The following AGAP1 variants were observed in gnomAD, a reference collection of about 807,000 sequenced individuals.
AGAP1 encodes ArfGAP with GTPase domain, ankyrin repeat and PH domain 1, also known as arf-GAP with GTPase, ANK repeat and PH domain-containing protein 1.
Under a neutral mutation model 105.3 loss-of-function variants are expected in AGAP1, and 29 were observed. The observed-to-expected ratio is 0.28, with a 90% CI of 0.21 to 0.38. The LOEUF (loss-of-function observed/expected upper bound fraction) is 0.38, where lower values mean the gene tolerates loss of function less well. Among genes scored for constraint, AGAP1 ranks in the 10% least tolerant of loss-of-function variants. The pLI, the probability that AGAP1 is intolerant of heterozygous loss-of-function variation, is 1.00. For missense variants in AGAP1, 998 were observed against 1,165.1 expected (o/e 0.86, Z 2.09); for synonymous variants, 509 against 485.9 (o/e 1.05, Z -0.63).
At chr2:235,562,735 C>T (rs1263640075) in intron 1 of AGAP1, among the ~76,000 whole-genome samples, 3 of 152,174 alleles carry the variant, frequency 2.0e-5, no homozygotes, top group Non-Finnish European at 4.4e-5. Context: ...CTGGGCAAGT[C>T]ACCATGGCTC....
At chr2:236,008,858 T>C (rs1486212224) in intron 13 of AGAP1, among the ~76,000 whole-genome samples, 1 of 152,256 alleles carries the variant, frequency 6.6e-6, no homozygotes, top group African/African-American at 2.4e-5. Context: ...TAATTGGAGA[T>C]TGATGACTTT....
rs896153927 is a variant in AGAP1, at chr2:235,877,907, G to C, written c.1051-5438G>C. On this transcript the variant is annotated intron_variant, in intron 9 of 17. Coordinates refer to ENST00000304032, the MANE Select transcript of AGAP1 (RefSeq NM_001037131.3). This position sits in a 1 kb window ranked among gnomAD's most constrained non-coding sequence, Gnocchi z 4.3. Reference sequence around the variant, plus strand: ...AACTTAAAATTTGTCCTCGCCAGGGGAATCTTTCCTAATGCAAATCAGATA... The same window carrying C: ...AACTTAAAATTTGTCCTCGCCAGGGCAATCTTTCCTAATGCAAATCAGATA... Among the ~76,000 whole-genome samples, 1 of 152,162 alleles carries C rather than the reference G, an allele frequency of 6.6e-6. No homozygotes were observed. The highest frequency in any genetic ancestry group is 2.4e-5 in the African/African-American group (1 of 41,434).
intron 5 of AGAP1, among the ~76,000 whole-genome samples, chr2:235,746,924 A>G (rs78289584): frequency 0.021 from 3,248 of 152,188 alleles, 99 homozygotes; most frequent in African/African-American, 0.067. Flanking sequence ...ATGTTCCATC[A>G]GTAGGAAGGG....
intron 9 of AGAP1, among the ~76,000 whole-genome samples, chr2:235,818,508 T>A (rs1958590669): frequency 6.6e-6 from 1 of 152,230 alleles, no homozygotes; most frequent in African/African-American, 2.4e-5. Flanking sequence ...AATGGCATGA[T>A]CTCAGCTCAC....
chr2:236,089,316 A>G lies in AGAP1; in HGVS notation c.2115-30876A>G, dbSNP rs3768929. On this transcript the variant is annotated intron_variant, in intron 16 of 17. Transcript: ENST00000304032. The surrounding 1 kb of genome is among the most constrained non-coding windows in gnomAD (Gnocchi z 5.6). ...ACACAGTTTCCCTGGGCATTGCTAC[A>G]TATTCCTTGCTCTTCCGTAAAGGAC... 6.6e-6 allele frequency among the ~76,000 whole-genome samples: 1 copy of G among 152,218 alleles called. No individual in the cohort carries two copies. The highest frequency in any genetic ancestry group is 1.5e-5 in the Non-Finnish European group (1 of 68,032).
intron 16 of AGAP1, among the ~76,000 whole-genome samples, chr2:236,102,987 T>G (rs1476006188): frequency 1.0e-5 from 1 of 96,414 alleles, no homozygotes; most frequent in Non-Finnish European, 2.1e-5. Context: ...GCCTATCCCC[T>G]CCCCTCCGGG....
At chr2:235,654,048 T>A (rs1282155093) in intron 1 of AGAP1, among the ~76,000 whole-genome samples, 2 of 152,062 alleles carry the variant, frequency 1.3e-5, no homozygotes, top group Non-Finnish European at 2.9e-5. Context: ...AGAGTGAGAG[T>A]CCGTCTCAAC....
Position 235,740,347 on chromosome 2 carries a change from C to T in AGAP1, c.311-616C>T, listed in dbSNP as rs1012044487. Among the ~76,000 whole-genome samples, 1 of 152,172 alleles carries T rather than the reference C, an allele frequency of 6.6e-6. No individual in the cohort carries two copies. The highest frequency in any genetic ancestry group is 6.5e-5 in the Admixed American group (1 of 15,278). On this transcript the variant is annotated intron_variant, in intron 3 of 17. Coordinates refer to ENST00000304032, the MANE Select transcript of AGAP1 (RefSeq NM_001037131.3). The surrounding 1 kb of genome is among the most constrained non-coding windows in gnomAD (Gnocchi z 5.7). ...CCCGCTAACCCCGCGTGGTCTCTAA[C>T]GCCTCCTGTCAGCCGCTGCTCTGCT...
In AGAP1 at chr2:236,073,242, G is replaced by A. The variant is rs542513519; in HGVS notation, c.2114+23961G>A. On this transcript the variant is annotated intron_variant, in intron 16 of 17. Transcript: ENST00000304032. This position sits in a 1 kb window ranked among gnomAD's most constrained non-coding sequence, Gnocchi z 5.4. ...GAACTCCTGACCTCGTGAACCACCC[G>A]CCTCGGCCTCCCAAAGTGCTGGGAT... Among the ~76,000 whole-genome samples the A allele has an allele frequency of 2.0e-5, 3 of 152,036 alleles. No individual in the cohort carries two copies. Among genetic ancestry groups the A allele is most frequent in the African/African-American group, 4.8e-5 (2 of 41,398 alleles).
At position 235,934,786 on chromosome 2, in the gene AGAP1, G is replaced by A. The variant is rs2052907382; in HGVS notation, c.1483+3863G>A. Among the ~76,000 whole-genome samples the A allele has an allele frequency of 6.6e-6, 1 of 152,100 alleles. No individual in the cohort carries two copies. The highest frequency in any genetic ancestry group is 2.4e-5 in the African/African-American group (1 of 41,418). On this transcript the variant is annotated intron_variant, in intron 12 of 17. Transcript: ENST00000304032. The surrounding 1 kb of genome is among the most constrained non-coding windows in gnomAD (Gnocchi z 4.9). ...GGAATGAATGGGGAGAGCCTAAGCAGCTTTGGAATACAGACGCCCGTGTTG... is the reference window on the plus strand; with the variant it reads ...GGAATGAATGGGGAGAGCCTAAGCAACTTTGGAATACAGACGCCCGTGTTG...
intron 9 of AGAP1, among the ~76,000 whole-genome samples, chr2:235,820,943 A>G (rs1958753971): frequency 6.6e-6 from 1 of 152,242 alleles, no homozygotes; most frequent in Admixed American, 6.5e-5. Flanking sequence ...ATGCACTGCT[A>G]TAGTCCTGAA....
rs550082368 is a variant in AGAP1 at position 235,855,945 on chromosome 2, G to A, written c.1051-27400G>A. On this transcript the variant is annotated intron_variant, in intron 9 of 17. Transcript: ENST00000304032. The surrounding 1 kb of genome is among the most constrained non-coding windows in gnomAD (Gnocchi z 5.0). Reference sequence around the variant, plus strand: ...TTATTTTCTTTTGAGATGGAGTCTCGCTCTGTCACCCAGGCTGGAGTGCAA... The same window carrying A: ...TTATTTTCTTTTGAGATGGAGTCTCACTCTGTCACCCAGGCTGGAGTGCAA... Among the ~76,000 whole-genome samples, 1 of 151,990 alleles carries A rather than the reference G, an allele frequency of 6.6e-6. No individual in the cohort carries two copies. Among genetic ancestry groups the A allele is most frequent in the African/African-American group, 2.4e-5 (1 of 41,432 alleles).
chr2:235,577,844 G>GGACTTCCC lies in AGAP1; in HGVS notation c.163+82995_163+82996insGACTTCCC, dbSNP rs1429257015. 1.1e-4 allele frequency among the ~76,000 whole-genome samples: 17 copies of GGACTTCCC among 152,058 alleles called. No individual in the cohort carries two copies. The highest frequency in any genetic ancestry group is 4.1e-4 in the African/African-American group (17 of 41,400). ...AGCGCTGCACAAAAGGCCCATGTCTGCTCGCTGGGACCTGATAGTTCGCCT... is the reference window on the plus strand; with the variant it reads ...AGCGCTGCACAAAAGGCCCATGTCTGGACTTCCCCTCGCTGGGACCTGATAGTTCGCCT... On this transcript the variant is annotated intron_variant, in intron 1 of 17. Coordinates refer to ENST00000304032, the MANE Select transcript of AGAP1 (RefSeq NM_001037131.3). This position sits in a 1 kb window ranked among gnomAD's most constrained non-coding sequence, Gnocchi z 4.5.
At position 235,845,745 on chromosome 2, in the gene AGAP1, C is replaced by G. The variant is rs1961407269; in HGVS notation, c.1051-37600C>G. 6.6e-6 allele frequency among the ~76,000 whole-genome samples: 1 copy of G among 152,116 alleles called. No homozygotes were observed. Among genetic ancestry groups the G allele is most frequent in the South Asian group, 2.1e-4 (1 of 4,812 alleles). ...GATGTCATCTATTAACCTTCTCCAG[C>G]TGCTCCGAGATGGTCACCAAGTCCT... On this transcript the variant is annotated intron_variant, in intron 9 of 17. Transcript: ENST00000304032. The surrounding 1 kb of genome is among the most constrained non-coding windows in gnomAD (Gnocchi z 4.8).
chr2:235,495,912 G>T (rs1941297913), intron 1 of AGAP1, among the ~76,000 whole-genome samples: 1 of 152,192 alleles, frequency 6.6e-6, no homozygotes, highest in African/African-American at 2.4e-5. Flanking sequence ...AATACAGACT[G>T]GCCGGTAAGA....
chr2:235,540,534 G>A (rs1943402651), intron 1 of AGAP1, among the ~76,000 whole-genome samples: 1 of 152,230 alleles, frequency 6.6e-6, no homozygotes, highest in Non-Finnish European at 1.5e-5. Flanking sequence ...CTGGTTATCA[G>A]AGATGCAAAA....
intron 9 of AGAP1, among the ~76,000 whole-genome samples, chr2:235,852,400 A>AG (rs570088798): frequency 6.6e-5 from 10 of 151,532 alleles, no homozygotes; most frequent in South Asian, 4.2e-4. Flanking sequence ...TGGGGTGGAA[A>AG]GGGGGGGGAA....
At chr2:235,648,461 T>C (rs1947465217) in intron 1 of AGAP1, among the ~76,000 whole-genome samples, 1 of 152,166 alleles carries the variant, frequency 6.6e-6, no homozygotes, top group African/African-American at 2.4e-5. Flanking sequence ...ATTCAGAGTT[T>C]CACGAGACTA....
chr2:235,603,704 T>C (rs1945817026), intron 1 of AGAP1, among the ~76,000 whole-genome samples: 1 of 152,234 alleles, frequency 6.6e-6, no homozygotes, highest in Non-Finnish European at 1.5e-5. Context: ...TTCAAACAAG[T>C]GGCTTTTTAT....
Sources: allele counts gnomAD v4.1 joint callset (sites outside exome capture counted in the v4.1 genomes callset), GRCh38; gene constraint gnomAD v4.1.1; non-coding constraint Gnocchi (gnomAD v3.1); transcripts MANE v1.5; gene names NCBI Gene and HGNC (gene_info 2026-07-23, HGNC 2026-07-21).